The following HEATR4 variants were observed in gnomAD, a reference collection of about 807,000 sequenced individuals.
HEATR4 encodes HEAT repeat-containing protein 4.
A neutral mutation model predicts 108.8 loss-of-function variants in HEATR4; 95 were observed. That is an observed-to-expected ratio of 0.87 (90% CI 0.74 to 1.04). The LOEUF is 1.04. HEATR4 is among the 50% of genes least tolerant of loss of function. HEATR4 has a pLI of 0.00. For synonymous variants in HEATR4, 443 were observed against 459.4 expected (o/e 0.96, Z 0.46); for missense variants, 1,152 against 1,253.8 (o/e 0.92, Z 1.23).
chr14:73,593,775 C>T, the HEATR4 span: 1 of 1,614,052 alleles, frequency 6.2e-7, no homozygotes, highest in Non-Finnish European at 8.5e-7. Context: ...GAGCCAGCCT[C>T]CTTGCTGGCC....
At chr14:73,572,639 A>ATTCTT in the HEATR4 span, among the ~76,000 whole-genome samples, 1 of 107,176 alleles carries the variant, frequency 9.3e-6, no homozygotes. Flanking sequence ...AGGTGTTTGC[A>ATTCTT]TTTTTTTTTT....
chr14:73,618,416 C>T, the HEATR4 span, among the ~76,000 whole-genome samples: 4 of 151,440 alleles, frequency 2.6e-5, no homozygotes, highest in Non-Finnish European at 5.9e-5. Context: ...CTTAAACATG[C>T]AAGCTGGGGT....
chr14:73,498,627 G>C (rs1355816097), intron 13 of HEATR4, among the ~76,000 whole-genome samples: 3 of 152,276 alleles, frequency 2.0e-5, no homozygotes, highest in Non-Finnish European at 4.4e-5. Context: ...GGGGAAAGGA[G>C]GCACAATTAT....
Position 73,498,181 on chromosome 14 carries a change from G to A in HEATR4, c.2520C>T (p.Leu840=), listed in dbSNP as rs201286707. The A allele has an allele frequency of 1.8e-4, 298 of 1,612,994 alleles. No homozygotes were observed. Among genetic ancestry groups the A allele is most frequent in the Non-Finnish European group, 2.4e-4 (278 of 1,179,194 alleles). Residue 840 remains leucine, a synonymous_variant, in exon 14 of 18, where the codon CTC becomes CTT. Transcript: ENST00000553558. ...TTAGAACAGCATCGTGGTTCTCCAG[G>A]AGCAGCACGTCTAGGAAGGTGTCCC... ...RVRDTFLDVL[L]LENHDAVLKE... is the part of the protein sequence containing the mutation.
At position 73,521,050 on chromosome 14, in the gene HEATR4, G is replaced by A; in HGVS notation, c.882-11C>T. 6.2e-7 allele frequency: 1 copy of A among 1,610,732 alleles called. No individual in the cohort carries two copies. Among genetic ancestry groups the A allele is most frequent in the Non-Finnish European group, 8.5e-7 (1 of 1,177,628 alleles). On this transcript the variant is annotated splice_polypyrimidine_tract_variant and intron_variant, in intron 3 of 17. Coordinates refer to ENST00000553558, the MANE Select transcript of HEATR4 (RefSeq NM_001220484.1). ...AAGTAACTGGGCAATCTTGGCAGGG[G>A]TGAGAAAGGAGGGAAAAGGGGGAAA...
Position 73,551,821 on chromosome 14 carries a change from AAAAAC to A in HEATR4, c.-152+6925_-152+6929del, listed in dbSNP as rs928684662. ...TAAATCTCCGTCTTAAAAAAAAAAA[AAAAAC>A]AGACAAAATGGCTATGTATGACCTC... On this transcript the variant is annotated intron_variant, in intron 1 of 17. Transcript: ENST00000553558. 1.7e-4 allele frequency among the ~76,000 whole-genome samples: 19 copies of A among 110,248 alleles called. 8 individuals carry two copies. Among genetic ancestry groups the A allele is most frequent in the Non-Finnish European group, 3.7e-4 (19 of 51,210 alleles). 72.3% of individuals were successfully genotyped at this position (110,248 alleles called of 152,430 possible).
chr14:73,553,037 C>T (rs563173477), intron 1 of HEATR4, among the ~76,000 whole-genome samples: 1 of 115,480 alleles, frequency 8.7e-6, no homozygotes, highest in Non-Finnish European at 1.9e-5. Flanking sequence ...TTGTCTCGCT[C>T]ATCTGCCATA....
the HEATR4 span, among the ~76,000 whole-genome samples, chr14:73,566,075 A>C: frequency 6.6e-6 from 1 of 152,038 alleles, no homozygotes. Flanking sequence ...AAGGTTCTCC[A>C]AGTCCCCACC....
chr14:73,576,428 T>C, the HEATR4 span, among the ~76,000 whole-genome samples: 2 of 152,020 alleles, frequency 1.3e-5, no homozygotes, highest in Non-Finnish European at 2.9e-5. Flanking sequence ...TATGGACTTT[T>C]AGGATTTGTT....
chr14:73,577,004 C>T, the HEATR4 span, among the ~76,000 whole-genome samples: 10 of 147,886 alleles, frequency 6.8e-5, no homozygotes, highest in East Asian at 1.8e-3. Flanking sequence ...AGTCACGGCT[C>T]ACTGCAGCCT....
chr14:73,493,275 T>A (rs545404820), intron 16 of HEATR4, 151 bp from the exon 17 acceptor site: 1 of 615,872 alleles, frequency 1.6e-6, no homozygotes, highest in East Asian at 2.8e-5. Flanking sequence ...TTAGATTTTT[T>A]TTGGAATTTG....
At chr14:73,504,076 C>CTT (rs538654870) in intron 10 of HEATR4, among the ~76,000 whole-genome samples, 6 of 127,738 alleles carry the variant, frequency 4.7e-5, no homozygotes, top group South Asian at 2.5e-4. Flanking sequence ...TTTTGCATTT[C>CTT]TTTTTTTTTT....
the HEATR4 span, chr14:73,582,689 A>G: frequency 6.6e-6 from 1 of 152,148 alleles, no homozygotes; most frequent in East Asian, 1.9e-4. Context: ...GCTACTGTGC[A>G]TGTGCACCCA....
chr14:73,588,004 A>ATT, the HEATR4 span, among the ~76,000 whole-genome samples: 13 of 140,976 alleles, frequency 9.2e-5, no homozygotes, highest in African/African-American at 2.3e-4. Flanking sequence ...TATTTCTCTC[A>ATT]TTTTTTTTTT....
At chr14:73,573,594 A>G in the HEATR4 span, 1 of 1,613,750 alleles carries the variant, frequency 6.2e-7, no homozygotes. Flanking sequence ...TCCCGAGGTT[A>G]GTTCTTCTTT....
At chr14:73,487,995 T>A (rs1398921141) in intron 17 of HEATR4, among the ~76,000 whole-genome samples, 1 of 152,196 alleles carries the variant, frequency 6.6e-6, no homozygotes. Context: ...CTCCAGTACC[T>A]AGCTGAGGAA....
At chr14:73,511,866 G>A in intron 7 of HEATR4, 140 bp downstream of exon 7, 1 of 891,346 alleles carries the variant, frequency 1.1e-6, no homozygotes, top group Non-Finnish European at 1.7e-6. Flanking sequence ...TGATAAGCAT[G>A]TATATATAGG....
chr14:73,560,176 C>T (rs1889497263), upstream of HEATR4, among the ~76,000 whole-genome samples: 1 of 152,248 alleles, frequency 6.6e-6, no homozygotes, highest in Admixed American at 6.5e-5. Context: ...TTTATCCTGA[C>T]AGCAGGAAAG....
intron 10 of HEATR4, among the ~76,000 whole-genome samples, chr14:73,504,176 C>T (rs1029695629): frequency 1.3e-5 from 2 of 149,828 alleles, no homozygotes; most frequent in Non-Finnish European, 3.0e-5. Flanking sequence ...CTCCTGGGTT[C>T]AAGTGACTCT....
Sources: gnomAD v4.1 joint callset for allele counts (sites outside exome capture counted in the v4.1 genomes callset) on GRCh38, gnomAD v4.1.1 for gene constraint, MANE v1.5 for transcripts, NCBI Gene and HGNC (gene_info 2026-07-23, HGNC 2026-07-21) for gene names.